Variants in TMED6 observed in about 807,000 individuals in gnomAD.
TMED6 encodes the protein transmembrane emp24 domain-containing protein 6.
TMED6 carries 17 observed loss-of-function variants against 26.5 expected under a neutral mutation model. The ratio of observed to expected loss-of-function variants is 0.64; its 90% CI spans 0.44 to 0.96. TMED6 has a LOEUF of 0.96. TMED6 is among the 40% of genes least tolerant of loss of function. TMED6 has a pLI of 0.00. For missense variants in TMED6, 309 were observed against 296.5 expected, an observed-to-expected ratio of 1.04 and a Z score of -0.31; for synonymous variants, 107 against 106.2, an observed-to-expected ratio of 1.01 and a Z score of -0.04.
intron 1 of TMED6, among the ~76,000 whole-genome samples, chr16:69,350,894 G>A (rs922492795): frequency 9.2e-5 from 14 of 152,096 alleles, no homozygotes; most frequent in African/African-American, 3.4e-4. Context: ...AAAGTTAACC[G>A]ATTTCTAAGA....
intron 2 of TMED6, 80 bp downstream of exon 2, chr16:69,349,445 T>G (rs2012740783): frequency 6.6e-7 from 1 of 1,514,290 alleles, no homozygotes; most frequent in South Asian, 1.2e-5. Context: ...TGTTAAAACA[T>G]CTCTGTATAC....
In TMED6 at chr16:69,351,760, T is replaced by C. The variant is rs181490949; in HGVS notation, c.-7A>G. The C allele has an allele frequency of 1.2e-4, 188 of 1,610,982 alleles. 1 individual carries two copies. The East Asian group carries it at 4.2e-3, about 36-fold the overall frequency. On this transcript the variant is annotated 5_prime_UTR_variant, in exon 1 of 4. Coordinates refer to ENST00000288025, the MANE Select transcript of TMED6 (RefSeq NM_144676.4). ...CAAAGAGCAAAGGGGACATGCCGCT[T>C]TCTGGAGCCTCCTCTGCAGGTGAAC... is the stretch of plus-strand genomic sequence containing the variant.
Position 69,343,490 on chromosome 16 carries a change from G to T in TMED6, c.640C>A (p.Leu214Ile), listed in dbSNP as rs550185131. The T allele has an allele frequency of 6.2e-7, 1 of 1,614,156 alleles. No homozygotes were observed. Among genetic ancestry groups the T allele is most frequent in the East Asian group, 2.2e-5 (1 of 44,880 alleles). Reference sequence around the variant, plus strand: ...AAATACAGTTGCAGGATCCCAGAAAGAATAATAACAAGGCTCTGGGCTGTC... The same window carrying T: ...AAATACAGTTGCAGGATCCCAGAAATAATAATAACAAGGCTCTGGGCTGTC... ...WSTAQSLVII[L>I]SGILQLYFLK... The change falls in exon 4 of 4, where the codon CTT becomes ATT. Residue 214 changes from leucine (L) to isoleucine (I), a missense_variant. Leu to Ile is a conservative substitution (Grantham distance 5). Transcript: ENST00000288025.
intron 1 of TMED6, among the ~76,000 whole-genome samples, 176 bp from the exon 2 acceptor site, chr16:69,349,827 T>C (rs1401440042): frequency 6.6e-6 from 1 of 152,020 alleles, no homozygotes; most frequent in Non-Finnish European, 1.5e-5. Context: ...ATCACAGTGA[T>C]GGTGTTAAGG....
At chr16:69,350,796 G>A (rs1489313085) in intron 1 of TMED6, among the ~76,000 whole-genome samples, 1 of 152,154 alleles carries the variant, frequency 6.6e-6, no homozygotes, top group African/African-American at 2.4e-5. Flanking sequence ...TCAGAGGTAA[G>A]AAAAGTCTCT....
At chr16:69,349,723 GACGTCCC>G in intron 1 of TMED6, 72 bp from the exon 2 acceptor site, 3 of 1,565,772 alleles carry the variant, frequency 1.9e-6, no homozygotes, top group Non-Finnish European at 2.6e-6. Flanking sequence ...TGGTAAGATT[GACGTCCC>G]ACGGTCATCA....
intron 3 of TMED6, among the ~76,000 whole-genome samples, chr16:69,346,729 C>G (rs1183599380): frequency 2.0e-5 from 3 of 152,080 alleles, no homozygotes; most frequent in Non-Finnish European, 2.9e-5. Context: ...TGCACTCCAG[C>G]CTGGACAACG....
chr16:69,343,840 G>GT (rs775147553), intron 3 of TMED6, among the ~76,000 whole-genome samples, 200 bp from the exon 4 acceptor site: 1 of 152,078 alleles, frequency 6.6e-6, no homozygotes. Context: ...TTTTGTTTTT[G>GT]TTTTATGAGA....
intron 3 of TMED6, among the ~76,000 whole-genome samples, chr16:69,344,012 T>C (rs1169336275): frequency 1.3e-5 from 2 of 151,770 alleles, no homozygotes; most frequent in African/African-American, 4.8e-5. Context: ...TTTTTTTTTA[T>C]TGTAGAGACA....
chr16:69,343,728 C>T, intron 3 of TMED6, 88 bp from the exon 4 acceptor site: 1 of 986,064 alleles, frequency 1.0e-6, no homozygotes, highest in South Asian at 1.5e-5. Context: ...TATCTCAAGT[C>T]AAATAATTTA....
chr16:69,344,254 C>T (rs2012643689), intron 3 of TMED6, among the ~76,000 whole-genome samples: 1 of 152,098 alleles, frequency 6.6e-6, no homozygotes, highest in African/African-American at 2.4e-5. Flanking sequence ...TTTATGTTCT[C>T]TGTATATGGT....
chr16:69,343,334 G>A lies in TMED6; in HGVS notation c.*73C>T, dbSNP rs1455808371. Reference sequence around the variant, plus strand: ...AACATTAATGAGATAATTGATTTTTGTCCCATAACATTACAAAGCTGATTC... The same window carrying A: ...AACATTAATGAGATAATTGATTTTTATCCCATAACATTACAAAGCTGATTC... On this transcript the variant is annotated 3_prime_UTR_variant, in exon 4 of 4. Transcript: ENST00000288025. 6.9e-6 allele frequency: 9 copies of A among 1,311,218 alleles called. No homozygotes were observed. Among genetic ancestry groups the A allele is most frequent in the Non-Finnish European group, 3.2e-6 (3 of 949,084 alleles). The allele number at this position is 1,311,218 out of a possible 1,614,324, so 81.2% of individuals were successfully genotyped here. A position where few individuals can be genotyped will look rare whatever the true frequency, so the allele number is the denominator to read the frequency against.
Position 69,351,616 on chromosome 16 carries a change from G to C in TMED6, c.138C>G (p.Ile46Met), listed in dbSNP as rs138135925. ...FRGADRYDFA[I>M]MIPPGGTECF... is the part of the protein sequence containing the mutation. ...ATTCCGTGCCTCCTGGAGGTATCAT[G>C]ATGGCAAAGTCATATCGATCAGCTC... The change falls in exon 1 of 4, where the codon ATC (isoleucine) becomes ATG (methionine). Residue 46 changes from isoleucine to methionine, a missense_variant. Coordinates refer to ENST00000288025, the MANE Select transcript of TMED6 (RefSeq NM_144676.4). 2.4e-4 allele frequency: 380 copies of C among 1,614,128 alleles called. 1 individual carries two copies. The highest frequency in any genetic ancestry group is 1.7e-3 in the African/African-American group (127 of 75,014).
Position 69,343,637 on chromosome 16 carries a change from C to T in TMED6, c.493G>A (p.Gly165Ser), listed in dbSNP as rs770033754. Residue 165 changes from glycine (G) to serine (S), a missense_variant, in exon 4 of 4, where the codon GGC becomes AGC. By Grantham distance (56) the Gly-to-Ser change is moderately conservative (BLOSUM62 0). Transcript: ENST00000288025. ...ATATTGTTCTGCACCTTTTGTGTGCCGTCCTATGAGAGAGACAATTTTAAG... is the reference window on the plus strand; with the variant it reads ...ATATTGTTCTGCACCTTTTGTGTGCTGTCCTATGAGAGAGACAATTTTAAG... ...LNDTLDAIED[G>S]TQKVQNNIFH... 12 of 1,612,640 alleles carry T rather than the reference C, an allele frequency of 7.4e-6. No individual in the cohort carries two copies. The highest frequency in any genetic ancestry group is 5.5e-5 in the South Asian group (5 of 91,042).
chr16:69,347,635 CAGG>C (rs2012706360), intron 3 of TMED6, among the ~76,000 whole-genome samples, 150 bp downstream of exon 3: 1 of 152,214 alleles, frequency 6.6e-6, no homozygotes, highest in South Asian at 2.1e-4. Flanking sequence ...GCTGGGATTA[CAGG>C]CGTGAGCCAC....
Position 69,343,594 on chromosome 16 carries a change from T to C in TMED6, c.536A>G (p.Tyr179Cys). The C allele has an allele frequency of 6.2e-7, 1 of 1,614,230 alleles. No individual in the cohort carries two copies. The highest frequency in any genetic ancestry group is 8.5e-7 in the Non-Finnish European group (1 of 1,180,044). Residue 179 changes from tyrosine to cysteine, a missense_variant, in exon 4 of 4, where the codon TAC becomes TGC. Coordinates refer to ENST00000288025, the MANE Select transcript of TMED6 (RefSeq NM_144676.4). ...VQNNIFHMWR[Y>C]YNFARMRKMA... ...TTTCCTCATCCGGGCAAAGTTGTAG[T>C]ATCGCCACATGTGAAAGATATTGTT...
At chr16:69,351,051 T>A (rs115017716) in intron 1 of TMED6, among the ~76,000 whole-genome samples, 4 of 150,104 alleles carry the variant, frequency 2.7e-5, no homozygotes, top group African/African-American at 7.3e-5. Flanking sequence ...AAAAAAAAAA[T>A]AGGATTAACT....
At chr16:69,350,038 G>A (rs566573797) in intron 1 of TMED6, among the ~76,000 whole-genome samples, 3 of 152,114 alleles carry the variant, frequency 2.0e-5, no homozygotes, top group Admixed American at 6.5e-5. Context: ...TTGGGAGGCC[G>A]AGGTGGGCAG....
rs188638980 is a variant in TMED6, at chr16:69,343,297, G to A, written c.*110C>T. 2,917 of 1,001,886 alleles carry A rather than the reference G, an allele frequency of 2.9e-3. 11 individuals carry two copies. Among genetic ancestry groups the A allele is most frequent in the Non-Finnish European group, 3.8e-3 (2,604 of 689,202 alleles). 62.1% of individuals were successfully genotyped at this position (1,001,886 alleles called of 1,614,324 possible). On this transcript the variant is annotated 3_prime_UTR_variant, in exon 4 of 4. Coordinates refer to ENST00000288025, the MANE Select transcript of TMED6 (RefSeq NM_144676.4). ...TGCCATTTTGCTTTTTTAGATGTGT[G>A]CAGCAGACTAAAACATTAATGAGAT...
Sources: allele counts gnomAD v4.1 joint callset (sites outside exome capture counted in the v4.1 genomes callset), GRCh38; gene constraint gnomAD v4.1.1; transcripts MANE v1.5; gene names NCBI Gene and HGNC (gene_info 2026-07-23, HGNC 2026-07-21).